The following UBE4B variants were observed in gnomAD, a reference collection of about 807,000 sequenced individuals.
UBE4B encodes the protein ubiquitin conjugation factor E4 B.
Under a neutral mutation model 148.1 loss-of-function variants are expected in UBE4B, and 27 were observed. That is an observed-to-expected ratio of 0.18 (90% CI 0.13 to 0.25). UBE4B has a LOEUF of 0.25. Among genes scored for constraint, UBE4B ranks in the 10% least tolerant of loss-of-function variants. The pLI is 1.00. For synonymous variants in UBE4B, 596 were observed against 619.3 expected, an observed-to-expected ratio of 0.96 and a Z score of 0.56; for missense variants, 1,170 against 1,662.4, an observed-to-expected ratio of 0.70 and a Z score of 5.15.
chr1:10,130,899 C>G (rs1645582256), intron 14 of UBE4B, 86 bp downstream of exon 14: 1 of 1,208,328 alleles, frequency 8.3e-7, no homozygotes, highest in East Asian at 2.3e-5. Context: ...GGACTATGCC[C>G]AGTAGACAAA....
chr1:10,123,661 G>A (rs1031143356), intron 10 of UBE4B, among the ~76,000 whole-genome samples: 17 of 152,028 alleles, frequency 1.1e-4, no homozygotes, highest in Admixed American at 7.9e-4. Flanking sequence ...ATGACCTCTG[G>A]GTGTTTTTTG....
intron 1 of UBE4B, among the ~76,000 whole-genome samples, chr1:10,047,488 CTTTTTTTTTT>C (rs952378949): frequency 2.6e-5 from 3 of 116,028 alleles, no homozygotes; most frequent in Admixed American, 9.1e-5. Flanking sequence ...CTTCATATAT[CTTTTTTTTTT>C]TTTTTTTTTT....
chr1:10,129,175 A>G lies in UBE4B; in HGVS notation c.1639-217A>G, dbSNP rs532145846. ...TAAAGCTTGAGTAATTTTTAGTTTC[A>G]TTTTATATTTCTGTTTTATTTCAAG... On this transcript the variant is annotated intron_variant, in intron 11 of 27. Coordinates refer to ENST00000343090, the MANE Select transcript of UBE4B (RefSeq NM_001105562.3). The G allele has an allele frequency of 4.0e-5, 19 of 480,700 alleles. No homozygotes were observed. In the East Asian group the frequency reaches 5.2e-4, roughly 13 times the overall value. The allele number at this position is 480,700 out of a possible 1,614,324, so 29.8% of individuals were successfully genotyped here. A position where few individuals can be genotyped will look rare whatever the true frequency, so the allele number is the denominator to read the frequency against.
Position 10,151,579 on chromosome 1 carries a change from A to C in UBE4B, c.2926+18A>C. ...TTATACAGGTAGGTTGCTGGAACAC[A>C]GTGTAGCACATGGCAGGCCAACTTA... On this transcript the variant is annotated intron_variant, in intron 21 of 27. Coordinates refer to ENST00000343090, the MANE Select transcript of UBE4B (RefSeq NM_001105562.3). The C allele has an allele frequency of 6.2e-7, 1 of 1,605,624 alleles. No individual in the cohort carries two copies. The highest frequency in any genetic ancestry group is 8.5e-7 in the Non-Finnish European group (1 of 1,173,938).
rs572190287 is a variant in UBE4B at position 10,053,309 on chromosome 1, C to T, written c.25-18719C>T. Reference sequence around the variant, plus strand: ...GACTACAGGCATGCACCACCATGCCCGGCTAATTTTTTTGTATTTTTAGTA... The same window carrying T: ...GACTACAGGCATGCACCACCATGCCTGGCTAATTTTTTTGTATTTTTAGTA... On this transcript the variant is annotated intron_variant, in intron 1 of 27. Coordinates refer to ENST00000343090, the MANE Select transcript of UBE4B (RefSeq NM_001105562.3). Among the ~76,000 whole-genome samples the T allele has an allele frequency of 7.9e-5, 12 of 151,554 alleles. No homozygotes were observed. The South Asian group carries it at 1.0e-3, about 13-fold the overall frequency.
rs759875947 is a variant in UBE4B, at chr1:10,129,357, G to A, written c.1639-35G>A. ...CTACAAATGACAGTCAGTTTAAGAT[G>A]AAATGCATTTAAATGACTCTGATCT... On this transcript the variant is annotated intron_variant, in intron 11 of 27. Transcript: ENST00000343090. 4 of 1,585,938 alleles carry A rather than the reference G, an allele frequency of 2.5e-6. No homozygotes were observed. In the South Asian group the frequency reaches 4.4e-5, roughly 18 times the overall value.
At chr1:10,111,044 GACACACACACACACAC>G (rs55936075) in intron 7 of UBE4B, among the ~76,000 whole-genome samples, 1,441 of 113,440 alleles carry the variant, frequency 0.013, 38 homozygotes, top group Middle Eastern at 0.042. Flanking sequence ...CTCTGTCTCT[GACACACACACACACAC>G]ACACACACAC....
Position 10,179,780 on chromosome 1 carries a change from G to C in UBE4B, c.3848-115G>C, listed in dbSNP as rs1646479585. 4.2e-6 allele frequency: 6 copies of C among 1,435,818 alleles called. No individual in the cohort carries two copies. The East Asian group carries it at 1.4e-4, about 33-fold the overall frequency. The allele number at this position is 1,435,818 out of a possible 1,614,324, so 88.9% of individuals were successfully genotyped here. On this transcript the variant is annotated intron_variant, in intron 27 of 27. Coordinates refer to ENST00000343090, the MANE Select transcript of UBE4B (RefSeq NM_001105562.3). ...TGTCCCAGTCCTTCTGGAGTCTTCG[G>C]CTCAATGAGGGAAAGAATGGCCTTT...
chr1:10,083,298 A>G lies in UBE4B; in HGVS notation c.211+11084A>G, dbSNP rs577991280. 4.1e-4 allele frequency among the ~76,000 whole-genome samples: 62 copies of G among 152,304 alleles called. No individual in the cohort carries two copies. In the South Asian group the frequency reaches 0.013, roughly 32 times the overall value. ...ATCTTTGCAGACAGAAGGAAAACAG[A>G]TGCAAAGGTCCTGGGGCAAGAATGG... On this transcript the variant is annotated intron_variant, in intron 2 of 27. Coordinates refer to ENST00000343090, the MANE Select transcript of UBE4B (RefSeq NM_001105562.3).
chr1:10,103,421 T>C (rs1304452615), intron 5 of UBE4B, among the ~76,000 whole-genome samples: 2 of 147,120 alleles, frequency 1.4e-5, no homozygotes, highest in Non-Finnish European at 3.0e-5. Flanking sequence ...ATTTATTTAT[T>C]TATTTATTTA....
Position 10,111,273 on chromosome 1 carries a change from G to A in UBE4B, c.1196+4690G>A, listed in dbSNP as rs74500145. ...CCACACCAAGCATACATGCACATAC[G>A]TGCCCCATTCTAACTTAATCTCCCT... On this transcript the variant is annotated intron_variant, in intron 7 of 27. Coordinates refer to ENST00000343090, the MANE Select transcript of UBE4B (RefSeq NM_001105562.3). 4.2e-3 allele frequency among the ~76,000 whole-genome samples: 635 copies of A among 151,846 alleles called. 2 individuals are homozygous for A. The highest frequency in any genetic ancestry group is 7.3e-3 in the Non-Finnish European group (494 of 67,944).
chr1:10,160,031 C>T (rs1646135391), intron 22 of UBE4B, among the ~76,000 whole-genome samples: 2 of 152,194 alleles, frequency 1.3e-5, no homozygotes, highest in African/African-American at 4.8e-5. Context: ...AACTTCTCTT[C>T]TCCAGCATGG....
At chr1:10,113,339 C>G (rs938257095) in intron 7 of UBE4B, among the ~76,000 whole-genome samples, 5 of 152,184 alleles carry the variant, frequency 3.3e-5, no homozygotes, top group African/African-American at 1.2e-4. Flanking sequence ...ATCCAGTCAC[C>G]TCCCACTAGG....
intron 17 of UBE4B, 143 bp from the exon 18 acceptor site, chr1:10,144,797 G>A: frequency 1.9e-6 from 1 of 517,310 alleles, no homozygotes; most frequent in Non-Finnish European, 3.4e-6. Context: ...ATTTGCCGCT[G>A]GTTGTAAGAT....
At chr1:10,097,520 A>T (rs1281949049) in intron 3 of UBE4B, among the ~76,000 whole-genome samples, 2 of 152,108 alleles carry the variant, frequency 1.3e-5, no homozygotes, top group African/African-American at 2.4e-5. Context: ...ATATTATTTT[A>T]AAAAATCAGG....
intron 1 of UBE4B, among the ~76,000 whole-genome samples, chr1:10,045,113 G>A (rs1331678382): frequency 1.3e-5 from 2 of 152,120 alleles, no homozygotes; most frequent in Non-Finnish European, 2.9e-5. Context: ...GCTCCCATTC[G>A]AATCTAATGC....
chr1:10,103,831 T>C (rs1645057527), intron 5 of UBE4B, among the ~76,000 whole-genome samples: 1 of 152,148 alleles, frequency 6.6e-6, no homozygotes, highest in South Asian at 2.1e-4. Context: ...TTTCACCATG[T>C]TGGCCAGGAC....
intron 2 of UBE4B, among the ~76,000 whole-genome samples, chr1:10,090,326 C>A (rs1432780962): frequency 6.6e-6 from 1 of 151,984 alleles, no homozygotes; most frequent in Non-Finnish European, 1.5e-5. Context: ...CCCTGTGTCA[C>A]GCAGGCTGGT....
intron 25 of UBE4B, among the ~76,000 whole-genome samples, chr1:10,177,850 C>T (rs1336465052): frequency 6.6e-6 from 1 of 152,108 alleles, no homozygotes; most frequent in Admixed American, 6.6e-5. Context: ...ATGAATTAGG[C>T]ACCTGTGAGG....
Sources: gnomAD v4.1 joint callset for allele counts (sites outside exome capture counted in the v4.1 genomes callset) on GRCh38, gnomAD v4.1.1 for gene constraint, MANE v1.5 for transcripts, NCBI Gene and HGNC (gene_info 2026-07-23, HGNC 2026-07-21) for gene names.